Variants in HMGN3 observed in about 807,000 individuals in gnomAD.
HMGN3 encodes the protein high mobility group nucleosomal binding domain 3.
HMGN3 carries 6 observed loss-of-function variants against 18.8 expected under a neutral mutation model. The observed-to-expected ratio is 0.32, with a 90% CI of 0.18 to 0.63. The LOEUF is 0.63. Among genes scored for constraint, HMGN3 ranks in the 30% least tolerant of loss-of-function variants. The probability of loss-of-function intolerance (pLI) is 0.79; values close to 1 mark genes in which losing one functional copy is unlikely to be tolerated. For synonymous variants in HMGN3, 40 were observed against 36.5 expected (o/e 1.10, Z -0.35); for missense variants, 107 against 114.2 (o/e 0.94, Z 0.29).
At chr6:79,201,455 G>C (rs1237120735) in exon 6 of HMGN3, 2 of 495,966 alleles carry the variant, frequency 4.0e-6, no homozygotes, top group African/African-American at 3.9e-5. Context: ...ATGGAATGCT[G>C]AATCAATCTT....
At chr6:79,213,627 T>C (rs1296961458) in intron 2 of HMGN3, among the ~76,000 whole-genome samples, 1 of 152,252 alleles carries the variant, frequency 6.6e-6, no homozygotes, top group Non-Finnish European at 1.5e-5. Context: ...ACAAACTTCA[T>C]GATTATTCCA....
At chr6:79,215,641 C>T (rs1561993210) in intron 1 of HMGN3, among the ~76,000 whole-genome samples, 1 of 152,212 alleles carries the variant, frequency 6.6e-6, no homozygotes, top group Non-Finnish European at 1.5e-5. Flanking sequence ...TTTGATCCAT[C>T]CCCTGGGGCA....
chr6:79,232,369 C>T (rs536421152), intron 1 of HMGN3, among the ~76,000 whole-genome samples: 11 of 152,242 alleles, frequency 7.2e-5, no homozygotes, highest in African/African-American at 2.6e-4. Flanking sequence ...GAGGTTGTTC[C>T]TGCCCAGGTA....
chr6:79,214,881 T>C (rs1416787682), intron 2 of HMGN3, 91 bp downstream of exon 2: 1 of 758,850 alleles, frequency 1.3e-6, no homozygotes, highest in Non-Finnish European at 2.2e-6. Flanking sequence ...TTCATACAAT[T>C]GTCCGCATTT....
intron 1 of HMGN3, among the ~76,000 whole-genome samples, chr6:79,232,487 A>T (rs1777891516): frequency 6.6e-6 from 1 of 152,188 alleles, no homozygotes; most frequent in Non-Finnish European, 1.5e-5. Context: ...AATGACACAC[A>T]GGTGCCTGTA....
intron 1 of HMGN3, among the ~76,000 whole-genome samples, chr6:79,215,783 T>C (rs891928068): frequency 1.3e-5 from 2 of 152,252 alleles, no homozygotes; most frequent in Admixed American, 6.5e-5. Context: ...ACACTGCACA[T>C]GTCCCAATAT....
chr6:79,207,228 T>TG (rs1166011826), intron 3 of HMGN3, among the ~76,000 whole-genome samples: 2 of 152,060 alleles, frequency 1.3e-5, no homozygotes, highest in Non-Finnish European at 1.5e-5. Flanking sequence ...TGGGCGGGGC[T>TG]GGGGGCAGAA....
chr6:79,207,539 C>T (rs1776480516), intron 3 of HMGN3, among the ~76,000 whole-genome samples: 1 of 152,164 alleles, frequency 6.6e-6, no homozygotes, highest in Non-Finnish European at 1.5e-5. Flanking sequence ...AATTAAACCT[C>T]CTTCTTTTGT....
intron 2 of HMGN3, among the ~76,000 whole-genome samples, chr6:79,214,666 C>T (rs1211105754): frequency 6.6e-6 from 1 of 152,172 alleles, no homozygotes; most frequent in East Asian, 1.9e-4. Context: ...TACCTATTAT[C>T]TTACTCTTTG....
At chr6:79,201,811 G>C in intron 5 of HMGN3, 85 bp from the exon 7 acceptor site, 1 of 1,535,998 alleles carries the variant, frequency 6.5e-7, no homozygotes. Context: ...AACACACACA[G>C]TTTTGAACAT....
intron 1 of HMGN3, among the ~76,000 whole-genome samples, chr6:79,229,793 G>A (rs1777750137): frequency 6.6e-6 from 1 of 152,096 alleles, no homozygotes; most frequent in South Asian, 2.1e-4. Flanking sequence ...CAGGAGAATG[G>A]TGTGAACCCG....
At position 79,219,572 on chromosome 6, in the gene HMGN3, T is replaced by C. The variant is rs192701383; in HGVS notation, c.16-4550A>G. Among the ~76,000 whole-genome samples the C allele has an allele frequency of 3.5e-3, 533 of 152,298 alleles. 3 individuals carry two copies. The highest frequency in any genetic ancestry group is 0.011 in the African/African-American group (466 of 41,570). On this transcript the variant is annotated intron_variant, in intron 1 of 5. Transcript: ENST00000344726. Reference sequence around the variant, plus strand: ...TAATCGTAAACAACATTACCTATTGTGTTTTTAAGTTTCAACAGAAATTCT... The same window carrying C: ...TAATCGTAAACAACATTACCTATTGCGTTTTTAAGTTTCAACAGAAATTCT...
intron 3 of HMGN3, among the ~76,000 whole-genome samples, chr6:79,206,632 A>C (rs66809524): frequency 0.051 from 7,762 of 152,358 alleles, 217 homozygotes; most frequent in South Asian, 0.1. Context: ...CTGCTAGGGC[A>C]GTGCAGAAGG....
intron 1 of HMGN3, chr6:79,234,321 C>A: frequency 2.4e-6 from 1 of 423,124 alleles, no homozygotes. Flanking sequence ...AGGGAAACCG[C>A]GTCACTGGAG....
chr6:79,203,175 A>ATAT (rs1374855359), intron 4 of HMGN3, among the ~76,000 whole-genome samples: 1 of 152,084 alleles, frequency 6.6e-6, no homozygotes, highest in South Asian at 2.1e-4. Context: ...TGGCATTATT[A>ATAT]TATTATTATT....
Position 79,234,569 on chromosome 6 carries a change from T to C in HMGN3, c.-9A>G, listed in dbSNP as rs780248718. 1.9e-5 allele frequency: 30 copies of C among 1,612,116 alleles called. No individual in the cohort carries two copies. The South Asian group carries it at 3.0e-4, about 16-fold the overall frequency. ...ACCTTTCTCTTCGGCATAATGACTA[T>C]GTCGGTGAAGCAAAAAGTAAAGCAA... is the stretch of plus-strand genomic sequence containing the variant. On this transcript the variant is annotated 5_prime_UTR_variant, in exon 1 of 6. Coordinates refer to ENST00000344726, the Ensembl canonical transcript of HMGN3.
chr6:79,234,490 C>A, intron 1 of HMGN3, 56 bp downstream of exon 1: 1 of 1,569,894 alleles, frequency 6.4e-7, no homozygotes, highest in African/African-American at 1.3e-5. Context: ...GCAATGCCAG[C>A]ATTTACTGTA....
intron 3 of HMGN3, among the ~76,000 whole-genome samples, chr6:79,203,934 C>T (rs1189628592): frequency 1.3e-5 from 2 of 152,234 alleles, no homozygotes; most frequent in Non-Finnish European, 2.9e-5. Flanking sequence ...GTCTGCTCTT[C>T]CTTTTATCAC....
chr6:79,213,084 T>TA (rs1776782666), intron 2 of HMGN3, among the ~76,000 whole-genome samples: 2 of 150,926 alleles, frequency 1.3e-5, no homozygotes, highest in Admixed American at 6.6e-5. Context: ...AAAAACATAA[T>TA]AAAAAAATTA....
Sources: gnomAD v4.1 joint callset for allele counts (sites outside exome capture counted in the v4.1 genomes callset) on GRCh38, gnomAD v4.1.1 for gene constraint, MANE v1.5 for transcripts, NCBI Gene and HGNC (gene_info 2026-07-23, HGNC 2026-07-21) for gene names.